ATAD2B: variants seen among roughly 807,000 people sequenced by gnomAD.
ATAD2B encodes the protein ATPase family AAA domain containing 2B.
Under a neutral mutation model 167.6 loss-of-function variants are expected in ATAD2B, and 40 were observed. The ratio of observed to expected loss-of-function variants is 0.24; its 90% CI spans 0.19 to 0.31. The LOEUF (loss-of-function observed/expected upper bound fraction) is 0.31, where lower values mean the gene tolerates loss of function less well. ATAD2B is among the 10% of genes least tolerant of loss of function. ATAD2B has a pLI of 1.00. For missense variants in ATAD2B, 1,242 were observed against 1,757.2 expected (o/e 0.71, Z 5.24); for synonymous variants, 579 against 596.5 (o/e 0.97, Z 0.43).
chr2:23,732,143 C>T, the ATAD2B span, among the ~76,000 whole-genome samples: 2 of 152,124 alleles, frequency 1.3e-5, no homozygotes, highest in Non-Finnish European at 2.9e-5. Context: ...GATCCAAGTA[C>T]CAATTTATGA....
chr2:23,854,679 A>C (rs1010197597), intron 13 of ATAD2B, among the ~76,000 whole-genome samples: 1 of 109,154 alleles, frequency 9.2e-6, no homozygotes, highest in Non-Finnish European at 2.1e-5. Flanking sequence ...ACTTCGTCTC[A>C]AAAAAAAAAA....
the ATAD2B span, among the ~76,000 whole-genome samples, chr2:23,732,921 T>C: frequency 6.6e-6 from 1 of 152,212 alleles, no homozygotes; most frequent in Admixed American, 6.5e-5. Context: ...ACTAGCTGTC[T>C]CATCTTCAGC....
intron 8 of ATAD2B, chr2:23,872,650 A>G: frequency 3.0e-6 from 4 of 1,346,040 alleles, no homozygotes; most frequent in East Asian, 2.3e-5. Flanking sequence ...GTGGTGGAAC[A>G]TCATAGGAGA....
At chr2:23,792,916 T>C (rs902923209) in intron 19 of ATAD2B, among the ~76,000 whole-genome samples, 5 of 133,618 alleles carry the variant, frequency 3.7e-5, no homozygotes, top group African/African-American at 1.1e-4. Flanking sequence ...TGAGCCGAGA[T>C]TGTGCCACTG....
chr2:23,845,235 AAT>A (rs543286704), intron 13 of ATAD2B, among the ~76,000 whole-genome samples: 16 of 152,316 alleles, frequency 1.1e-4, no homozygotes, highest in African/African-American at 3.6e-4. Flanking sequence ...AGCGATAAAA[AAT>A]ATATGTTCTA....
At chr2:23,754,575 C>T in intron 26 of ATAD2B, 72 bp downstream of exon 26, 2 of 1,540,226 alleles carry the variant, frequency 1.3e-6, no homozygotes, top group Non-Finnish European at 1.8e-6. Flanking sequence ...ACTACTTTTA[C>T]TCAACTGCCT....
intron 18 of ATAD2B, among the ~76,000 whole-genome samples, chr2:23,800,672 A>T: frequency 6.6e-6 from 1 of 152,140 alleles, no homozygotes. Flanking sequence ...AAAATTTAGA[A>T]ATTTGTCCAC....
intron 8 of ATAD2B, among the ~76,000 whole-genome samples, chr2:23,870,705 A>G (rs1558696764): frequency 6.6e-6 from 1 of 151,790 alleles, no homozygotes; most frequent in Non-Finnish European, 1.5e-5. Flanking sequence ...TTTCCCAAAT[A>G]GTCACAGTCC....
chr2:23,757,365 G>A (rs1415701206), intron 25 of ATAD2B, 53 bp downstream of exon 25: 26 of 1,322,366 alleles, frequency 2.0e-5, no homozygotes, highest in Admixed American at 2.6e-5. Flanking sequence ...AATACACAAC[G>A]AATTAACTCT....
intron 13 of ATAD2B, among the ~76,000 whole-genome samples, chr2:23,838,037 C>T (rs1690291288): frequency 6.6e-6 from 1 of 152,170 alleles, no homozygotes; most frequent in African/African-American, 2.4e-5. Flanking sequence ...CCTAAAATAA[C>T]TTCTCCAATA....
At chr2:23,887,668 T>G (rs915623485) in intron 4 of ATAD2B, among the ~76,000 whole-genome samples, 164 bp downstream of exon 4, 13 of 152,188 alleles carry the variant, frequency 8.5e-5, no homozygotes, top group Admixed American at 3.9e-4. Flanking sequence ...TCTCAAAACA[T>G]CTTCAATTCA....
chr2:23,767,163 G>C (rs1008645118), intron 22 of ATAD2B, among the ~76,000 whole-genome samples: 1 of 150,942 alleles, frequency 6.6e-6, no homozygotes, highest in Admixed American at 6.6e-5. Flanking sequence ...CCAATTACCT[G>C]CTCCACCCTG....
chr2:23,738,858 T>C, the ATAD2B span, among the ~76,000 whole-genome samples: 1 of 152,116 alleles, frequency 6.6e-6, no homozygotes, highest in Non-Finnish European at 1.5e-5. Context: ...GAGGAAGATC[T>C]ACCAAGCAAA....
chr2:23,784,680 A>G (rs1680543621), intron 21 of ATAD2B, among the ~76,000 whole-genome samples: 1 of 152,008 alleles, frequency 6.6e-6, no homozygotes, highest in Admixed American at 6.6e-5. Context: ...TATACCAAAT[A>G]GGGGAGTGGA....
chr2:23,882,441 C>T (rs890810162), intron 6 of ATAD2B, among the ~76,000 whole-genome samples: 4 of 150,644 alleles, frequency 2.7e-5, no homozygotes, highest in African/African-American at 9.8e-5. Context: ...AGTGATCCAC[C>T]CGCCTCAGCC....
At chr2:23,926,463 T>TG in intron 1 of ATAD2B, 92 bp downstream of exon 1, 3 of 1,481,814 alleles carry the variant, frequency 2.0e-6, no homozygotes, top group Non-Finnish European at 2.7e-6. Context: ...CGGTCTCCAC[T>TG]GTAGGCTTCC....
chr2:23,835,258 A>G (rs990969762), intron 13 of ATAD2B, among the ~76,000 whole-genome samples: 5 of 152,250 alleles, frequency 3.3e-5, no homozygotes, highest in Admixed American at 2.0e-4. Context: ...AAAAAGTGGA[A>G]GAAACCCAAA....
chr2:23,879,752 A>G (rs544454065), intron 7 of ATAD2B, among the ~76,000 whole-genome samples: 2 of 152,260 alleles, frequency 1.3e-5, no homozygotes, highest in South Asian at 2.1e-4. Flanking sequence ...AACCTCTTGG[A>G]CCATAAAGAT....
chr2:23,897,159 G>A (rs529719229), intron 1 of ATAD2B, among the ~76,000 whole-genome samples: 1 of 152,116 alleles, frequency 6.6e-6, no homozygotes, highest in South Asian at 2.1e-4. Flanking sequence ...CATTCTCTAG[G>A]ATGACCCTCA....
Sources: gnomAD v4.1 joint callset for allele counts (sites outside exome capture counted in the v4.1 genomes callset) on GRCh38, gnomAD v4.1.1 for gene constraint, MANE v1.5 for transcripts, NCBI Gene and HGNC (gene_info 2026-07-23, HGNC 2026-07-21) for gene names.